The following CCT7 variants were observed in gnomAD, a reference collection of about 807,000 sequenced individuals.
CCT7 encodes T-complex protein 1 subunit eta.
A neutral mutation model predicts 56.6 loss-of-function variants in CCT7; 16 were observed. The ratio of observed to expected loss-of-function variants is 0.28; its 90% CI spans 0.19 to 0.43. CCT7 has a LOEUF of 0.43. CCT7 is among the 20% of genes least tolerant of loss of function. CCT7 has a pLI of 1.00. For missense variants in CCT7, 519 were observed against 685.6 expected (o/e 0.76, Z 2.71); for synonymous variants, 262 against 254.8 (o/e 1.03, Z -0.27).
chr2:73,238,677 TCACA>T (rs1686976888), intron 1 of CCT7, among the ~76,000 whole-genome samples: 1 of 152,276 alleles, frequency 6.6e-6, no homozygotes, highest in Non-Finnish European at 1.5e-5. Flanking sequence ...ACATTCTGTG[TCACA>T]CACAAAATTA....
At chr2:73,251,465 T>TTG in intron 11 of CCT7, 33 bp downstream of exon 11, 19 of 482,314 alleles carry the variant, frequency 3.9e-5, no homozygotes, top group Non-Finnish European at 6.6e-5. Flanking sequence ...GTTCAGGGTT[T>TTG]GGGCGGGTGG....
rs201694227 is a variant in CCT7 at position 73,251,286 on chromosome 2, G to A, written c.1264G>A (p.Asp422Asn). 3.4e-4 allele frequency: 546 copies of A among 1,614,214 alleles called. 1 individual carries two copies. The African/African-American group carries it at 6.6e-3, about 19-fold the overall frequency. Residue 422 changes from aspartate to asparagine, a missense_variant, in exon 11 of 12, where the codon GAT becomes AAT. Physicochemically the swap from Asp to Asn is conservative, Grantham distance 23 (BLOSUM62 1). Transcript: ENST00000258091. ...GATGGAACTCTCCAAGTACCTGCGG[G>A]ATTACTCAAGGACTATTCCAGGAAA... The part of the protein sequence containing the change: ...IEMELSKYLR[D>N]YSRTIPGKQQ...
At chr2:73,249,243 TGGTATAA>T (rs1687471278) in intron 8 of CCT7, 64 bp downstream of exon 8, 1 of 1,315,400 alleles carries the variant, frequency 7.6e-7, no homozygotes, top group South Asian at 1.4e-5. Context: ...CACTGACCCC[TGGTATAA>T]CAGAGTGTAC....
At chr2:73,241,960 C>T (rs57770994) in intron 3 of CCT7, among the ~76,000 whole-genome samples, 1 of 151,608 alleles carries the variant, frequency 6.6e-6, no homozygotes, top group Non-Finnish European at 1.5e-5. Flanking sequence ...AGGCTGGTCT[C>T]GAACTCCTGA....
chr2:73,252,489 A>G (rs1451288101), intron 11 of CCT7, 151 bp from the exon 12 acceptor site: 2 of 640,010 alleles, frequency 3.1e-6, no homozygotes, highest in East Asian at 2.8e-5. Context: ...GGTTCCTGGC[A>G]TGCTCATAGG....
At chr2:73,241,845 A>G (rs997853953) in intron 3 of CCT7, among the ~76,000 whole-genome samples, 2 of 151,534 alleles carry the variant, frequency 1.3e-5, no homozygotes, top group East Asian at 2.0e-4. Flanking sequence ...GGATCAAGCA[A>G]TTCTCTTGCC....
chr2:73,240,916 T>A (rs931581307), intron 3 of CCT7, among the ~76,000 whole-genome samples: 2 of 149,724 alleles, frequency 1.3e-5, no homozygotes, highest in Non-Finnish European at 3.0e-5. Flanking sequence ...TTTTTTTTTT[T>A]AAAGAGATAG....
chr2:73,239,053 C>T (rs1040729185), intron 1 of CCT7: 1 of 152,290 alleles, frequency 6.6e-6, no homozygotes, highest in Admixed American at 6.5e-5. Flanking sequence ...ATTAGATTTG[C>T]CATCATTTTT....
chr2:73,244,853 T>C, intron 6 of CCT7, 138 bp downstream of exon 6: 1 of 579,724 alleles, frequency 1.7e-6, no homozygotes, highest in Non-Finnish European at 2.8e-6. Flanking sequence ...CATTGTACTT[T>C]CCATACTGCC....
chr2:73,243,890 TG>T, intron 4 of CCT7, 106 bp from the exon 5 acceptor site: 2 of 949,744 alleles, frequency 2.1e-6, no homozygotes. Flanking sequence ...AGAGTAGAAA[TG>T]CTTAGGATTT....
chr2:73,252,640 G>C lies in CCT7; in HGVS notation c.1411G>C (p.Gly471Arg), dbSNP rs371504283. Residue 471 changes from glycine to arginine, a missense_variant and splice_region_variant, in exon 12 of 12, where the codon GGG (glycine) becomes CGG (arginine). By Grantham distance (125) the Gly-to-Arg change is moderately radical. This residue lies in a region of CCT7 where 237 missense variants were observed against 300.8 expected (regional missense o/e 0.79). Coordinates refer to ENST00000258091, the MANE Select transcript of CCT7 (RefSeq NM_006429.4). Reference protein sequence around the residue: ...LNKLRARHAQGGTWYGVDINN... With the variant: ...LNKLRARHAQRGTWYGVDINN... ...CTCCTTTCTTTTCCTACTCTTTTAG[G>C]GGGGTACATGGTATGGAGTAGACAT... The C allele has an allele frequency of 4.4e-5, 71 of 1,612,028 alleles. 1 individual carries two copies. In the South Asian group the frequency reaches 5.3e-4, roughly 12 times the overall value.
intron 8 of CCT7, 123 bp from the exon 9 acceptor site, chr2:73,249,696 G>GA (rs1252141818): frequency 1.3e-5 from 9 of 704,166 alleles, no homozygotes; most frequent in Non-Finnish European, 2.3e-5. Context: ...GAAGTCAAGG[G>GA]AAAGGGCGGG....
At chr2:73,250,461 C>T in intron 10 of CCT7, 23 bp downstream of exon 10, 1 of 1,612,538 alleles carries the variant, frequency 6.2e-7, no homozygotes, top group Non-Finnish European at 8.5e-7. Context: ...TATCCTCCTG[C>T]TTGCACAGCC....
chr2:73,238,215 A>G (rs1178412436), intron 1 of CCT7, among the ~76,000 whole-genome samples: 1 of 152,146 alleles, frequency 6.6e-6, no homozygotes, highest in Non-Finnish European at 1.5e-5. Flanking sequence ...TATGTAAATC[A>G]CAGTATGCCA....
chr2:73,250,224 TG>T (rs1483541646), intron 9 of CCT7, 81 bp from the exon 10 acceptor site: 9 of 1,523,278 alleles, frequency 5.9e-6, no homozygotes, highest in South Asian at 2.4e-5. Context: ...TGCTGAGTGT[TG>T]GGGGGGCTGG....
chr2:73,234,359 C>T lies in CCT7; in HGVS notation c.-20C>T. ...TCGGAGAAGAGGGGAGAGTGGCGGG[C>T]CGCTGAATAAGCTTCCAAAATGATG... On this transcript the variant is annotated 5_prime_UTR_variant, in exon 1 of 12. Coordinates refer to ENST00000258091, the MANE Select transcript of CCT7 (RefSeq NM_006429.4). 1.2e-6 allele frequency: 2 copies of T among 1,612,756 alleles called. No individual in the cohort carries two copies. The highest frequency in any genetic ancestry group is 1.7e-6 in the Non-Finnish European group (2 of 1,179,754).
intron 1 of CCT7, among the ~76,000 whole-genome samples, chr2:73,237,007 T>TG (rs1199873620): frequency 1.3e-5 from 2 of 152,238 alleles, no homozygotes; most frequent in African/African-American, 4.8e-5. Context: ...AAGTAGCAGT[T>TG]GGATTTTCAG....
At chr2:73,234,627 A>T (rs1410565486) in intron 1 of CCT7, among the ~76,000 whole-genome samples, 34 of 152,282 alleles carry the variant, frequency 2.2e-4, no homozygotes, top group African/African-American at 6.7e-4. Context: ...GTTGGGGACT[A>T]CAAGTCCCAG....
chr2:73,237,653 G>T (rs144892960), intron 1 of CCT7: 1 of 152,258 alleles, frequency 6.6e-6, no homozygotes, highest in East Asian at 1.9e-4. Context: ...GCAAAAGGAA[G>T]GAATTTTCCC....
Sources: allele counts gnomAD v4.1 joint callset (sites outside exome capture counted in the v4.1 genomes callset), GRCh38; gene constraint gnomAD v4.1.1; regional missense constraint gnomAD v4.1.1; transcripts MANE v1.5; gene names NCBI Gene and HGNC (gene_info 2026-07-23, HGNC 2026-07-21).